The following SND1 variants were observed in gnomAD, a reference collection of about 807,000 sequenced individuals.
SND1 encodes the protein staphylococcal nuclease and tudor domain containing 1, also known as staphylococcal nuclease domain-containing protein 1.
SND1 carries 38 observed loss-of-function variants against 121.7 expected under a neutral mutation model. That is an observed-to-expected ratio of 0.31 (90% CI 0.24 to 0.41). The LOEUF (loss-of-function observed/expected upper bound fraction) is 0.41. Among genes scored for constraint, SND1 ranks in the 10% least tolerant of loss-of-function variants. SND1 has a pLI of 1.00. For missense variants in SND1, 868 were observed against 1,184.6 expected (o/e 0.73, Z 3.92); for synonymous variants, 401 against 447.4 (o/e 0.90, Z 1.31).
chr7:127,917,861 C>A (rs988935679), intron 14 of SND1, among the ~76,000 whole-genome samples: 2 of 152,184 alleles, frequency 1.3e-5, no homozygotes, highest in African/African-American at 4.8e-5. Context: ...GTTTCCACAT[C>A]AGTTTACAGA....
At chr7:127,657,703 GC>G (rs1795235537) in intron 1 of SND1, among the ~76,000 whole-genome samples, 1 of 151,918 alleles carries the variant, frequency 6.6e-6, no homozygotes, top group Non-Finnish European at 1.5e-5. Context: ...TTGCTATGTT[GC>G]CCAGGCTGGT....
At chr7:127,702,563 G>A in intron 6 of SND1, 37 bp downstream of exon 6, 1 of 1,523,564 alleles carries the variant, frequency 6.6e-7, no homozygotes, top group Non-Finnish European at 9.1e-7. Context: ...TGGGTTTAGA[G>A]TGTGTGGATG....
intron 1 of SND1, among the ~76,000 whole-genome samples, chr7:127,669,986 TTAAC>T (rs1280797086): frequency 2.6e-5 from 4 of 152,146 alleles, no homozygotes; most frequent in African/African-American, 9.7e-5. Flanking sequence ...ATGTATTTAT[TTAAC>T]TAATTCTAAT....
chr7:127,733,711 A>T (rs537357989), intron 10 of SND1, among the ~76,000 whole-genome samples: 1 of 152,288 alleles, frequency 6.6e-6, no homozygotes, highest in East Asian at 1.9e-4. Flanking sequence ...ACAAAGATTA[A>T]GTGGATTTCT....
intron 16 of SND1, chr7:128,028,569 A>G: frequency 9.6e-7 from 1 of 1,040,712 alleles, no homozygotes; most frequent in East Asian, 2.4e-5. Flanking sequence ...ACCAGCCCAT[A>G]GACTTAATAT....
intron 12 of SND1, among the ~76,000 whole-genome samples, chr7:127,859,246 A>T (rs1239344507): frequency 6.6e-6 from 1 of 152,198 alleles, no homozygotes; most frequent in African/African-American, 2.4e-5. Flanking sequence ...TCCCAGAGAC[A>T]CAGAGAGCCA....
intron 11 of SND1, among the ~76,000 whole-genome samples, chr7:127,838,262 G>C (rs1044171906): frequency 1.3e-5 from 2 of 152,212 alleles, no homozygotes; most frequent in Non-Finnish European, 2.9e-5. Flanking sequence ...CAAGGAGAAT[G>C]AGGAAGTTAA....
intron 1 of SND1, among the ~76,000 whole-genome samples, chr7:127,663,250 A>G (rs1293862206): frequency 6.6e-6 from 1 of 152,116 alleles, no homozygotes; most frequent in African/African-American, 2.4e-5. Context: ...AATGCTATGT[A>G]GATAGTTGCT....
chr7:127,697,783 T>C (rs1796031965), intron 3 of SND1, among the ~76,000 whole-genome samples: 1 of 152,192 alleles, frequency 6.6e-6, no homozygotes. Context: ...GTTGGGCTTG[T>C]GGGGCGGTGT....
intron 13 of SND1, among the ~76,000 whole-genome samples, chr7:127,892,916 C>G (rs1289852935): frequency 1.3e-5 from 2 of 150,348 alleles, no homozygotes; most frequent in Non-Finnish European, 2.9e-5. Flanking sequence ...AACATTATTT[C>G]TGTTCTGCAT....
At chr7:128,061,812 C>A (rs1793235463) in intron 16 of SND1, among the ~76,000 whole-genome samples, 2 of 152,218 alleles carry the variant, frequency 1.3e-5, no homozygotes, top group South Asian at 4.1e-4. Flanking sequence ...ACAGGCTTTT[C>A]CTTGCATTCC....
At chr7:127,877,846 G>A (rs1184196495) in intron 12 of SND1, among the ~76,000 whole-genome samples, 2 of 151,868 alleles carry the variant, frequency 1.3e-5, no homozygotes, top group Non-Finnish European at 2.9e-5. Flanking sequence ...AGAGGTGTTT[G>A]TCAGGGCTCA....
chr7:127,972,986 G>A (rs1802034357), intron 15 of SND1, among the ~76,000 whole-genome samples: 1 of 152,200 alleles, frequency 6.6e-6, no homozygotes, highest in Non-Finnish European at 1.5e-5. Context: ...TTTGACTGCT[G>A]TATGGAGACA....
In SND1 at chr7:128,089,737, C is replaced by A. The variant is rs1359146866; in HGVS notation, c.2622+45C>A. ...GGCCCCAGCATTGCGCCACCACCCTCACAGAGAAAGGGACTGTTCCACAAG... is the reference window on the plus strand; with the variant it reads ...GGCCCCAGCATTGCGCCACCACCCTAACAGAGAAAGGGACTGTTCCACAAG... On this transcript the variant is annotated intron_variant, in intron 22 of 23. Transcript: ENST00000354725. 3 of 1,556,814 alleles carry A rather than the reference C, an allele frequency of 1.9e-6. No homozygotes were observed. The African/African-American group carries it at 4.1e-5, about 21-fold the overall frequency.
chr7:127,719,274 A>G (rs1796446564), intron 9 of SND1, among the ~76,000 whole-genome samples: 1 of 152,196 alleles, frequency 6.6e-6, no homozygotes, highest in Non-Finnish European at 1.5e-5. Context: ...ATTACTGTGT[A>G]CATTTTTACT....
intron 12 of SND1, among the ~76,000 whole-genome samples, chr7:127,849,634 A>T (rs1376910392): frequency 6.6e-6 from 1 of 152,150 alleles, no homozygotes; most frequent in African/African-American, 2.4e-5. Flanking sequence ...AACAATACAC[A>T]TGGCCCATTT....
At chr7:127,707,876 A>G (rs1376695984) in intron 9 of SND1, among the ~76,000 whole-genome samples, 2 of 151,636 alleles carry the variant, frequency 1.3e-5, no homozygotes, top group Non-Finnish European at 2.9e-5. Flanking sequence ...GCTAACTTCA[A>G]ACTAGCTTGA....
intron 1 of SND1, among the ~76,000 whole-genome samples, chr7:127,663,353 C>T (rs577410373): frequency 2.7e-4 from 40 of 150,494 alleles, no homozygotes; most frequent in African/African-American, 4.9e-4. Context: ...GTTGAATCCA[C>T]GGATGTGAGG....
intron 15 of SND1, among the ~76,000 whole-genome samples, chr7:127,930,387 A>T (rs1193325563): frequency 6.6e-6 from 1 of 152,150 alleles, no homozygotes; most frequent in Non-Finnish European, 1.5e-5. Flanking sequence ...TCTTGTCTGG[A>T]TAAGGGTCTC....
Sources: gnomAD v4.1 joint callset for allele counts (sites outside exome capture counted in the v4.1 genomes callset) on GRCh38, gnomAD v4.1.1 for gene constraint, MANE v1.5 for transcripts, NCBI Gene and HGNC (gene_info 2026-07-23, HGNC 2026-07-21) for gene names.